Variants in PPP2R2C observed in about 807,000 individuals in gnomAD.
PPP2R2C encodes the protein protein phosphatase 2 regulatory subunit Bgamma.
Under a neutral mutation model 45.3 loss-of-function variants are expected in PPP2R2C, and 10 were observed. The observed-to-expected ratio is 0.22, with a 90% CI of 0.14 to 0.37. The LOEUF is 0.37. PPP2R2C is among the 10% of genes least tolerant of loss of function. PPP2R2C has a pLI of 1.00. For synonymous variants in PPP2R2C, 257 were observed against 245.4 expected (o/e 1.05, Z -0.44); for missense variants, 308 against 619.7 (o/e 0.50, Z 5.34).
intron 1 of PPP2R2C, among the ~76,000 whole-genome samples, chr4:6,454,612 G>A (rs1322735869): frequency 6.6e-6 from 1 of 152,152 alleles, no homozygotes; most frequent in Non-Finnish European, 1.5e-5. Flanking sequence ...AGAGCAGAAG[G>A]TTTGCCCAGC....
chr4:6,555,922 G>C lies in PPP2R2C; in HGVS notation c.-59+7638C>G, dbSNP rs563510130. 2.6e-5 allele frequency among the ~76,000 whole-genome samples: 4 copies of C among 152,304 alleles called. No homozygotes were observed. The East Asian group carries it at 7.7e-4, about 29-fold the overall frequency. ...TGTGGCAGTGGCCAGCTCAGCCCTGGAGAGTTGAAGGCCATATTTTCTGCC... is the reference window on the plus strand; with the variant it reads ...TGTGGCAGTGGCCAGCTCAGCCCTGCAGAGTTGAAGGCCATATTTTCTGCC... On this transcript the variant is annotated intron_variant, in intron 1 of 9. Coordinates refer to the PPP2R2C transcript ENST00000506140.
At position 6,472,369 on chromosome 4, in the gene PPP2R2C, G is replaced by A. The variant is rs545121469; in HGVS notation, c.-140C>T. ...GCCGGGGCCCCGAAGGGAGGGCATC[G>A]CGGCAGGGGGACGGGCGGGGGCGGC... On this transcript the variant is annotated 5_prime_UTR_variant, in exon 1 of 9. Transcript: ENST00000382599. 32 of 1,105,854 alleles carry A rather than the reference G, an allele frequency of 2.9e-5. No homozygotes were observed. In the African/African-American group the frequency reaches 4.7e-4, roughly 16 times the overall value. 68.5% of individuals were successfully genotyped at this position (1,105,854 alleles called of 1,614,324 possible).
At chr4:6,453,536 G>A (rs923155477) in intron 1 of PPP2R2C, among the ~76,000 whole-genome samples, 3 of 151,516 alleles carry the variant, frequency 2.0e-5, no homozygotes, top group Non-Finnish European at 2.9e-5. Context: ...ATGGCAGGGC[G>A]GCTTCCTGTG....
At chr4:6,402,332 A>C (rs1459541839) in intron 1 of PPP2R2C, among the ~76,000 whole-genome samples, 1 of 152,122 alleles carries the variant, frequency 6.6e-6, no homozygotes, top group Non-Finnish European at 1.5e-5. Context: ...CCCAAATCGA[A>C]CAGTAGCTTT....
intron 2 of PPP2R2C, among the ~76,000 whole-genome samples, chr4:6,513,381 T>C (rs1035030461): frequency 2.6e-5 from 4 of 152,162 alleles, no homozygotes; most frequent in African/African-American, 4.8e-5. Flanking sequence ...GAGGAAGCCA[T>C]GGTCTCTGGG....
chr4:6,355,521 AAAAAAG>A (rs1713086797), intron 5 of PPP2R2C, among the ~76,000 whole-genome samples: 1 of 151,730 alleles, frequency 6.6e-6, no homozygotes, highest in African/African-American at 2.4e-5. Flanking sequence ...AGTATAATAA[AAAAAAG>A]AAAAAAGAAA....
intron 1 of PPP2R2C, among the ~76,000 whole-genome samples, chr4:6,538,849 C>T (rs1344973059): frequency 4.6e-5 from 7 of 152,186 alleles, no homozygotes; most frequent in African/African-American, 7.2e-5. Flanking sequence ...TACTCGTGGG[C>T]GGGGACCTTG....
chr4:6,406,805 T>C (rs1245879005), intron 1 of PPP2R2C, among the ~76,000 whole-genome samples: 1 of 152,108 alleles, frequency 6.6e-6, no homozygotes, highest in African/African-American at 2.4e-5. Flanking sequence ...ACAAAAGGTA[T>C]GTCCACACTC....
intron 1 of PPP2R2C, chr4:6,383,114 G>A: frequency 9.0e-7 from 1 of 1,108,868 alleles, no homozygotes; most frequent in Non-Finnish European, 1.1e-6. Context: ...CGCAAACAGA[G>A]ATGCAAAGGG....
In PPP2R2C at chr4:6,368,018, C is replaced by T. The variant is rs887681872; in HGVS notation, c.625+4505G>A. Among the ~76,000 whole-genome samples the T allele has an allele frequency of 1.3e-5, 2 of 152,144 alleles. No individual in the cohort carries two copies. Among genetic ancestry groups the T allele is most frequent in the African/African-American group, 4.8e-5 (2 of 41,426 alleles). ...GTTTTGATGAATTAATAATCATTTT[C>T]ACAGAATGGGAAGTTACACAGAGAT... is the stretch of plus-strand genomic sequence containing the variant. On this transcript the variant is annotated intron_variant, in intron 5 of 8. Transcript: ENST00000382599. This position sits in a 1 kb window ranked among gnomAD's most constrained non-coding sequence, Gnocchi z 4.2.
At chr4:6,409,061 A>G (rs1309592880) in intron 1 of PPP2R2C, among the ~76,000 whole-genome samples, 1 of 152,174 alleles carries the variant, frequency 6.6e-6, no homozygotes, top group Non-Finnish European at 1.5e-5. Context: ...TGCTGGAATT[A>G]AAATTTTAAA....
Position 6,323,801 on chromosome 4 carries a change from C to T in PPP2R2C, c.1053-208G>A, listed in dbSNP as rs555558554. Among the ~76,000 whole-genome samples the T allele has an allele frequency of 2.9e-4, 44 of 151,716 alleles. 1 individual carries two copies. The highest frequency in any genetic ancestry group is 2.9e-3 in the Admixed American group (44 of 15,260). On this transcript the variant is annotated intron_variant, in intron 8 of 8. Coordinates refer to ENST00000382599, the MANE Select transcript of PPP2R2C (RefSeq NM_020416.4). Reference sequence around the variant, plus strand: ...AAAAAATTAAAAATGACCGTAGTCCCAGCTATTCAGGAGGTTGAGGCAGGA... The same window carrying T: ...AAAAAATTAAAAATGACCGTAGTCCTAGCTATTCAGGAGGTTGAGGCAGGA...
intron 5 of PPP2R2C, among the ~76,000 whole-genome samples, chr4:6,367,071 G>A (rs367875854): frequency 3.3e-5 from 5 of 151,960 alleles, no homozygotes; most frequent in East Asian, 1.9e-4. Context: ...AGGAGGCTGG[G>A]AGGGCTCCTC....
chr4:6,513,358 GC>G (rs1348005047), intron 2 of PPP2R2C, among the ~76,000 whole-genome samples: 2 of 152,194 alleles, frequency 1.3e-5, no homozygotes, highest in Non-Finnish European at 2.9e-5. Context: ...GAGCAGTGGT[GC>G]TGGTGCATGG....
chr4:6,432,248 G>A (rs1719665412), intron 1 of PPP2R2C, among the ~76,000 whole-genome samples: 1 of 152,094 alleles, frequency 6.6e-6, no homozygotes, highest in African/African-American at 2.4e-5. Context: ...TGCCTCTCCT[G>A]AGCCATGTTC....
rs375200356 is a variant in PPP2R2C at position 6,547,729 on chromosome 4, C to T, written c.-58-12352G>A. On this transcript the variant is annotated intron_variant, in intron 1 of 9. Transcript: ENST00000506140. Reference sequence around the variant, plus strand: ...GCAGGTGCAAAGGGTGATCTTTCAGCTAGTGGTGCTGAAACAACCGGACAT... The same window carrying T: ...GCAGGTGCAAAGGGTGATCTTTCAGTTAGTGGTGCTGAAACAACCGGACAT... 1.2e-4 allele frequency among the ~76,000 whole-genome samples: 19 copies of T among 152,234 alleles called. No individual in the cohort carries two copies. In the East Asian group the frequency reaches 1.5e-3, roughly 12 times the overall value.
chr4:6,492,391 G>A (rs1311516502), intron 2 of PPP2R2C, among the ~76,000 whole-genome samples: 1 of 152,214 alleles, frequency 6.6e-6, no homozygotes, highest in Non-Finnish European at 1.5e-5. Flanking sequence ...GGGTCGTGGT[G>A]CTGAAGACTT....
chr4:6,326,648 C>T (rs760145961), intron 8 of PPP2R2C, among the ~76,000 whole-genome samples: 31 of 152,198 alleles, frequency 2.0e-4, no homozygotes, highest in Admixed American at 1.2e-3. Flanking sequence ...AAAGCGGCCA[C>T]GAAGGCCAGT....
At chr4:6,443,975 G>T (rs963086674) in intron 1 of PPP2R2C, among the ~76,000 whole-genome samples, 18 of 152,164 alleles carry the variant, frequency 1.2e-4, no homozygotes, top group African/African-American at 4.1e-4. Flanking sequence ...GCAGCCCCCT[G>T]ACTGCGAGAG....
Sources: allele counts gnomAD v4.1 joint callset (sites outside exome capture counted in the v4.1 genomes callset), GRCh38; gene constraint gnomAD v4.1.1; non-coding constraint Gnocchi (gnomAD v3.1); transcripts MANE v1.5; gene names NCBI Gene and HGNC (gene_info 2026-07-23, HGNC 2026-07-21).